The following GALNT9 variants were observed in gnomAD, a reference collection of about 807,000 sequenced individuals.
The protein encoded by GALNT9 is polypeptide N-acetylgalactosaminyltransferase 9, also known as GalNAc transferase 9.
GALNT9 carries 47 observed loss-of-function variants against 63.1 expected under a neutral mutation model. That is an observed-to-expected ratio of 0.75 (90% CI 0.59 to 0.95). GALNT9 has a LOEUF of 0.95. GALNT9 is among the 40% of genes least tolerant of loss of function. GALNT9 has a pLI of 0.00. For missense variants in GALNT9, 829 were observed against 874.8 expected, an observed-to-expected ratio of 0.95 and a Z score of 0.66; for synonymous variants, 396 against 365.7, an observed-to-expected ratio of 1.08 and a Z score of -0.94.
chr12:132,303,522 C>G (rs868907181), intron 1 of GALNT9, among the ~76,000 whole-genome samples: 2 of 131,774 alleles, frequency 1.5e-5, no homozygotes, highest in Admixed American at 7.3e-5. Context: ...GGCACACCCT[C>G]ACCCGGGCAC....
At chr12:132,267,946 C>G (rs1566006312) in intron 2 of GALNT9, among the ~76,000 whole-genome samples, 1 of 150,112 alleles carries the variant, frequency 6.7e-6, no homozygotes, top group African/African-American at 2.5e-5. Flanking sequence ...CACACGCACT[C>G]ACATACAGTC....
intron 6 of GALNT9, among the ~76,000 whole-genome samples, chr12:132,222,623 G>A (rs1877492316): frequency 6.6e-6 from 1 of 151,952 alleles, no homozygotes; most frequent in African/African-American, 2.4e-5. Flanking sequence ...GATGCGTGGA[G>A]CACTCAGGCT....
At chr12:132,262,409 G>T in intron 3 of GALNT9, 50 bp downstream of exon 3, 1 of 1,518,696 alleles carries the variant, frequency 6.6e-7, no homozygotes. Context: ...ACTCAACCCA[G>T]CCACAGGCAG....
At chr12:132,322,318 G>A (rs1868838187) in intron 1 of GALNT9, among the ~76,000 whole-genome samples, 1 of 152,220 alleles carries the variant, frequency 6.6e-6, no homozygotes, top group Admixed American at 6.5e-5. Context: ...CCCTGAGGTG[G>A]GGACATCTCT....
At position 132,257,846 on chromosome 12, in the gene GALNT9, G is replaced by A. The variant is rs1555239277; in HGVS notation, c.802C>T (p.Arg268Cys). The change falls in exon 5 of 11, where the codon CGC (arginine) becomes TGC (cysteine). Residue 268 changes from arginine to cysteine, a missense_variant. Coordinates refer to ENST00000328957, the MANE Select transcript of GALNT9 (RefSeq NM_001122636.2). ...TTGTCGATGGCTGGCAGCACGATGC[G>A]ACGCCGGTCCTCTCGGATCCGCGAC... ...ALSRIREDRR[R>C]IVLPAIDNIK... 8.4e-6 allele frequency: 13 copies of A among 1,549,128 alleles called. No individual in the cohort carries two copies. Among genetic ancestry groups the A allele is most frequent in the South Asian group, 1.2e-5 (1 of 84,042 alleles).
chr12:132,211,179 G>A (rs780059755), intron 6 of GALNT9, among the ~76,000 whole-genome samples: 3 of 152,062 alleles, frequency 2.0e-5, no homozygotes, highest in Non-Finnish European at 2.9e-5. Flanking sequence ...ACCAACTACC[G>A]CTTCTGCAAG....
intron 2 of GALNT9, chr12:132,274,832 C>G (rs1593098491): frequency 6.5e-6 from 1 of 152,686 alleles, no homozygotes; most frequent in Non-Finnish European, 1.5e-5. Context: ...CAAGAACATA[C>G]CCCACACACA....
chr12:132,247,995 A>G lies in GALNT9; in HGVS notation c.992T>C (p.Val331Ala), dbSNP rs1213834774. ...TPAMIGCSFV[V>A]DREYFGDIGL... is the part of the protein sequence containing the mutation. ...AATGTCTCCGAAGTACTCGCGGTCC[A>G]CTACGAAGGAGCAGCCGATCATGGC... is the stretch of plus-strand genomic sequence containing the variant. The change falls in exon 6 of 11, where the codon GTG becomes GCG. Residue 331 changes from valine to alanine, a missense_variant. Coordinates refer to ENST00000328957, the MANE Select transcript of GALNT9 (RefSeq NM_001122636.2). The G allele has an allele frequency of 2.6e-6, 4 of 1,551,304 alleles. No individual in the cohort carries two copies. Among genetic ancestry groups the G allele is most frequent in the East Asian group, 2.4e-5 (1 of 40,942 alleles).
At chr12:132,313,777 T>C (rs1348257573) in intron 1 of GALNT9, among the ~76,000 whole-genome samples, 4 of 109,996 alleles carry the variant, frequency 3.6e-5, no homozygotes, top group East Asian at 3.3e-4. Context: ...CAGCCATCCA[T>C]CCATACATCC....
chr12:132,225,019 C>A, intron 6 of GALNT9, among the ~76,000 whole-genome samples: 1 of 138,892 alleles, frequency 7.2e-6, no homozygotes, highest in Middle Eastern at 3.9e-3. Flanking sequence ...GTACACCCCC[C>A]CCACACACCA....
At chr12:132,277,824 CA>C (rs1880163954) in intron 2 of GALNT9, 1 of 152,312 alleles carries the variant, frequency 6.6e-6, no homozygotes, top group South Asian at 2.1e-4. Flanking sequence ...TAGGAGGGGA[CA>C]GCTGCTGACG....
At chr12:132,291,395 C>A (rs1452342752) in intron 1 of GALNT9, among the ~76,000 whole-genome samples, 2 of 121,334 alleles carry the variant, frequency 1.6e-5, no homozygotes, top group African/African-American at 3.5e-5. Flanking sequence ...TCCACAGCAC[C>A]CACGTCCACA....
chr12:132,226,679 T>C (rs1367763377), intron 6 of GALNT9, among the ~76,000 whole-genome samples: 1 of 70,958 alleles, frequency 1.4e-5, no homozygotes, highest in Non-Finnish European at 2.6e-5. Flanking sequence ...ACACTGTACA[T>C]ACACACCAAA....
rs1486874649 is a variant in GALNT9, at chr12:132,310,792, C to T, written c.238+18174G>A. ...CTGGGAAGGTGGGAGCCACGCTGTC[C>T]TCCCACGCAAAGAGGAACTAGGTGT... On this transcript the variant is annotated intron_variant, in intron 1 of 10. Transcript: ENST00000328957. This position sits in a 1 kb window ranked among gnomAD's most constrained non-coding sequence, Gnocchi z 4.8. 6.6e-6 allele frequency among the ~76,000 whole-genome samples: 1 copy of T among 152,142 alleles called. No individual in the cohort carries two copies. The highest frequency in any genetic ancestry group is 1.9e-4 in the East Asian group (1 of 5,184).
intron 7 of GALNT9, among the ~76,000 whole-genome samples, chr12:132,201,583 G>T (rs1876122533): frequency 6.6e-6 from 1 of 152,190 alleles, no homozygotes; most frequent in Non-Finnish European, 1.5e-5. Context: ...CTGCTCACCT[G>T]GCCTTACTGC....
chr12:132,228,738 A>G (rs1312628016), intron 6 of GALNT9, among the ~76,000 whole-genome samples: 7 of 152,106 alleles, frequency 4.6e-5, no homozygotes, highest in Middle Eastern at 3.2e-3. Context: ...GCGTTTCAAG[A>G]CAGAGAGCAA....
intron 1 of GALNT9, among the ~76,000 whole-genome samples, chr12:132,306,770 G>A (rs993856303): frequency 4.6e-5 from 7 of 152,296 alleles, no homozygotes; most frequent in African/African-American, 7.2e-5. Flanking sequence ...CTCCCTCCCC[G>A]CCATTCATCA....
At chr12:132,280,068 C>A (rs553893146) in intron 2 of GALNT9, 2 of 151,778 alleles carry the variant, frequency 1.3e-5, no homozygotes, top group South Asian at 4.1e-4. Context: ...CTGCCTGTGT[C>A]CACGTGAGGG....
Position 132,236,300 on chromosome 12 carries a change from G to A in GALNT9, c.1077+11610C>T, listed in dbSNP as rs969634662. ...CGGGTGGGGGCCATGGCCCTGGAGT[G>A]GGGGTCGCGGTGGGCCTGGGTCGGG... On this transcript the variant is annotated intron_variant, in intron 6 of 10. Coordinates refer to ENST00000328957, the MANE Select transcript of GALNT9 (RefSeq NM_001122636.2). This position sits in a 1 kb window ranked among gnomAD's most constrained non-coding sequence, Gnocchi z 5.6. Among the ~76,000 whole-genome samples, 3 of 152,092 alleles carry A rather than the reference G, an allele frequency of 2.0e-5. No homozygotes were observed. Among genetic ancestry groups the A allele is most frequent in the Admixed American group, 1.3e-4 (2 of 15,288 alleles).
Sources: gnomAD v4.1 joint callset for allele counts (sites outside exome capture counted in the v4.1 genomes callset) on GRCh38, gnomAD v4.1.1 for gene constraint, Gnocchi (gnomAD v3.1) non-coding constraint, MANE v1.5 for transcripts, NCBI Gene and HGNC (gene_info 2026-07-23, HGNC 2026-07-21) for gene names.